The following SPRY3 variants were observed in gnomAD, a reference collection of about 807,000 sequenced individuals.
The protein encoded by SPRY3 is protein sprouty homolog 3.
A neutral mutation model predicts 20.2 loss-of-function variants in SPRY3; 15 were observed. The ratio of observed to expected loss-of-function variants is 0.74; its 90% CI spans 0.50 to 1.14. The LOEUF (loss-of-function observed/expected upper bound fraction) is 1.14, where lower values mean the gene tolerates loss of function less well. SPRY3 is among the 50% of genes most tolerant of loss of function. The probability of loss-of-function intolerance (pLI) is 0.00; values close to 1 mark genes in which losing one functional copy is unlikely to be tolerated. For missense variants in SPRY3, 364 were observed against 363.9 expected, an observed-to-expected ratio of 1.00 and a Z score of 0.00; for synonymous variants, 143 against 136.5, an observed-to-expected ratio of 1.05 and a Z score of -0.33.
chrX:155,705,783 T>A (rs1484546832), intron 2 of SPRY3, among the ~76,000 whole-genome samples: 3 of 151,298 alleles, frequency 2.0e-5, no homozygotes, highest in African/African-American at 7.3e-5. Flanking sequence ...ACATACATGA[T>A]GATGAAGGGA....
intron 2 of SPRY3, among the ~76,000 whole-genome samples, chrX:155,724,223 C>T (rs2091082535): frequency 6.6e-6 from 1 of 152,132 alleles, no homozygotes; most frequent in Non-Finnish European, 1.5e-5. Context: ...TAGCGTGATG[C>T]CTCCAGCTTT....
At chrX:155,695,907 A>G (rs761439230) in intron 2 of SPRY3, among the ~76,000 whole-genome samples, 2 of 111,065 alleles carry the variant, frequency 1.8e-5, no homozygotes, top group Non-Finnish European at 3.8e-5. Context: ...AAGTCCTCAT[A>G]TGACAATTTT....
intron 2 of SPRY3, among the ~76,000 whole-genome samples, chrX:155,698,141 C>A (rs1176405568): frequency 9.0e-6 from 1 of 110,942 alleles, no homozygotes; most frequent in Non-Finnish European, 1.9e-5. Flanking sequence ...GCATTCAATG[C>A]AAGAAATAAA....
chrX:155,735,952 T>A (rs965697135), intron 2 of SPRY3, among the ~76,000 whole-genome samples: 1 of 151,984 alleles, frequency 6.6e-6, no homozygotes, highest in Non-Finnish European at 1.5e-5. Flanking sequence ...CAATGTTCTC[T>A]TTTCTCTTAG....
chrX:155,733,641 A>T (rs1300999045), intron 2 of SPRY3, among the ~76,000 whole-genome samples: 1 of 152,012 alleles, frequency 6.6e-6, no homozygotes, highest in Non-Finnish European at 1.5e-5. Flanking sequence ...TTAACAAGAG[A>T]GTCAGCCTGT....
At chrX:155,737,202 T>G (rs1404713707) in intron 2 of SPRY3, among the ~76,000 whole-genome samples, 1 of 152,196 alleles carries the variant, frequency 6.6e-6, no homozygotes, top group Non-Finnish European at 1.5e-5. Flanking sequence ...AGTGTGGCTG[T>G]GATGCTTACC....
chrX:155,642,097 T>G (rs1038064483), intron 1 of SPRY3, among the ~76,000 whole-genome samples: 5 of 111,572 alleles, frequency 4.5e-5, no homozygotes, highest in Non-Finnish European at 9.4e-5. Context: ...TGTCTTTGTC[T>G]GGTTTTGATA....
chrX:155,693,688 T>C (rs765005406), intron 2 of SPRY3, among the ~76,000 whole-genome samples: 1 of 112,504 alleles, frequency 8.9e-6, no homozygotes, highest in Admixed American at 9.4e-5. Context: ...TCTTATGTCC[T>C]CCTGATAAAC....
chrX:155,779,349 C>T (rs1168156934), downstream of SPRY3: 10 of 166,946 alleles, frequency 6.0e-5, no homozygotes. Flanking sequence ...TAATCACATT[C>T]CTTCGAAGTA....
rs1171464074 is a variant in SPRY3, at chrX:155,690,589, A to T, written c.-282+33564A>T. ...TTTAAACCAACAAAGTTTTGAAAAG[A>T]CAAAGAAGGGCATTCCATAATGGTA... On this transcript the variant is annotated intron_variant, in intron 2 of 3. Coordinates refer to ENST00000675360, the Ensembl canonical transcript of SPRY3. Among the ~76,000 whole-genome samples, 2 of 87,963 alleles carry T rather than the reference A, an allele frequency of 2.3e-5. 1 individual carries two copies. The highest frequency in any genetic ancestry group is 1.1e-4 in the African/African-American group (2 of 18,305). 76.4% of individuals were successfully genotyped at this position (87,963 alleles called of 115,157 possible).
intron 2 of SPRY3, 129 bp from the exon 2 acceptor site, chrX:155,767,833 G>C (rs189727341): frequency 2.2e-3 from 331 of 152,574 alleles, no homozygotes; most frequent in Non-Finnish European, 4.0e-3. Context: ...CGTCCATCAA[G>C]ATTTAGATCT....
intron 2 of SPRY3, among the ~76,000 whole-genome samples, chrX:155,665,690 G>A (rs1027630367): frequency 2.7e-5 from 3 of 111,644 alleles, no homozygotes; most frequent in Non-Finnish European, 5.7e-5. Context: ...TACACATTTA[G>A]TGAAAGTACA....
At chrX:155,646,260 G>C (rs1466330792) in intron 1 of SPRY3, among the ~76,000 whole-genome samples, 1 of 111,526 alleles carries the variant, frequency 9.0e-6, no homozygotes, top group African/African-American at 3.3e-5. Context: ...AAGATTTCTT[G>C]GGCTATTCCA....
At chrX:155,722,160 T>C (rs1385355614) in intron 2 of SPRY3, among the ~76,000 whole-genome samples, 1 of 152,170 alleles carries the variant, frequency 6.6e-6, no homozygotes, top group Non-Finnish European at 1.5e-5. Context: ...CTTAAAATAA[T>C]GGGTTATAAG....
chrX:155,649,953 A>G (rs930147578), intron 1 of SPRY3, among the ~76,000 whole-genome samples: 1 of 111,845 alleles, frequency 8.9e-6, no homozygotes, highest in African/African-American at 3.3e-5. Context: ...AAAAATCACA[A>G]GCATTCCTAT....
intron 2 of SPRY3, among the ~76,000 whole-genome samples, chrX:155,699,869 T>TA (rs2068130448): frequency 9.2e-6 from 1 of 109,248 alleles, no homozygotes. Context: ...ACCATCAAGC[T>TA]AAAAAGCCTA....
chrX:155,731,152 A>C (rs1385488835), intron 2 of SPRY3, among the ~76,000 whole-genome samples: 3 of 152,154 alleles, frequency 2.0e-5, no homozygotes, highest in Non-Finnish European at 4.4e-5. Flanking sequence ...CAGAAACAGA[A>C]AAAACAATTC....
chrX:155,719,028 T>C (rs2091039339), intron 2 of SPRY3, among the ~76,000 whole-genome samples: 1 of 152,132 alleles, frequency 6.6e-6, no homozygotes, highest in African/African-American at 2.4e-5. Flanking sequence ...TCACAGTACC[T>C]GGTTTAGCTG....
chrX:155,728,580 A>T (rs1483104388), intron 2 of SPRY3, among the ~76,000 whole-genome samples: 1 of 152,220 alleles, frequency 6.6e-6, no homozygotes, highest in African/African-American at 2.4e-5. Flanking sequence ...CTGCACTAGC[A>T]GTGAGCAAGG....
Sources: gnomAD v4.1 joint callset for allele counts (sites outside exome capture counted in the v4.1 genomes callset) on GRCh38, gnomAD v4.1.1 for gene constraint, MANE v1.5 for transcripts, NCBI Gene and HGNC (gene_info 2026-07-23, HGNC 2026-07-21) for gene names.